EMILIN2: variants seen among roughly 807,000 people sequenced by gnomAD.
The protein encoded by EMILIN2 is EMILIN-2.
A neutral mutation model predicts 87.1 loss-of-function variants in EMILIN2; 71 were observed. The ratio of observed to expected loss-of-function variants is 0.82; its 90% CI spans 0.67 to 0.99. The LOEUF (loss-of-function observed/expected upper bound fraction) is 0.99. Ranked by LOEUF, EMILIN2 falls within the 50% of genes least tolerant of loss-of-function variation. The probability of loss-of-function intolerance (pLI) is 0.00; values close to 1 mark genes in which losing one functional copy is unlikely to be tolerated. For synonymous variants in EMILIN2, 581 were observed against 563.4 expected, an observed-to-expected ratio of 1.03 and a Z score of -0.44; for missense variants, 1,407 against 1,371.8, an observed-to-expected ratio of 1.03 and a Z score of -0.40.
At chr18:2,858,660 T>C (rs1186571327) in intron 2 of EMILIN2, among the ~76,000 whole-genome samples, 1 of 147,248 alleles carries the variant, frequency 6.8e-6, no homozygotes, top group East Asian at 2.0e-4. Flanking sequence ...TTTCTTCTGA[T>C]TCTCACTCTG....
chr18:2,869,930 A>G (rs980298047), intron 2 of EMILIN2, among the ~76,000 whole-genome samples: 2 of 152,140 alleles, frequency 1.3e-5, no homozygotes, highest in Non-Finnish European at 2.9e-5. Context: ...TGGGAAATAC[A>G]TTACAGATAT....
chr18:2,886,002 A>G (rs2076801854), intron 3 of EMILIN2, among the ~76,000 whole-genome samples: 1 of 152,276 alleles, frequency 6.6e-6, no homozygotes, highest in Admixed American at 6.5e-5. Context: ...AATGCACATC[A>G]ATTAAAGAAT....
intron 7 of EMILIN2, 112 bp from the exon 8 acceptor site, chr18:2,912,955 A>C (rs1598508963): frequency 2.2e-5 from 25 of 1,116,312 alleles, no homozygotes; most frequent in Non-Finnish European, 3.2e-5. Flanking sequence ...CCATGGGAAG[A>C]CAGAGATGGC....
At chr18:2,877,139 C>T (rs755636195) in intron 2 of EMILIN2, among the ~76,000 whole-genome samples, 8 of 152,238 alleles carry the variant, frequency 5.3e-5, no homozygotes, top group Non-Finnish European at 1.2e-4. Context: ...AAGGGATCTC[C>T]GGGGTCAGAG....
In EMILIN2 at chr18:2,909,714, T is replaced by C; in HGVS notation, c.2719T>C (p.Ser907Pro). The C allele has an allele frequency of 6.2e-7, 1 of 1,614,098 alleles. No individual in the cohort carries two copies. Among genetic ancestry groups the C allele is most frequent in the Non-Finnish European group, 8.5e-7 (1 of 1,179,964 alleles). Residue 907 changes from serine (S) to proline (P), a missense_variant, in exon 7 of 8, where the codon TCT (serine) becomes CCT (proline). Transcript: ENST00000254528. ...AGGAGCTCCGGTGCCTTCTCTGGTG[T>C]CTTTTTCTGCGGGGCTCACCCAGAA... ...SPGAPVPSLV[S>P]FSAGLTQKPF...
intron 7 of EMILIN2, 109 bp from the exon 8 acceptor site, chr18:2,912,956 CAG>C: frequency 8.8e-7 from 1 of 1,131,338 alleles, no homozygotes. Context: ...CATGGGAAGA[CAG>C]AGATGGCTGG....
chr18:2,887,366 A>G (rs2076808237), intron 3 of EMILIN2, among the ~76,000 whole-genome samples: 1 of 152,188 alleles, frequency 6.6e-6, no homozygotes, highest in Non-Finnish European at 1.5e-5. Context: ...TGTCCCCTCC[A>G]AATCTCATGT....
Position 2,859,588 on chromosome 18 carries a change from T to C in EMILIN2, c.257+11657T>C, listed in dbSNP as rs149205206. 3.4e-3 allele frequency among the ~76,000 whole-genome samples: 513 copies of C among 152,320 alleles called. 4 individuals carry two copies. The highest frequency in any genetic ancestry group is 0.012 in the African/African-American group (491 of 41,580). On this transcript the variant is annotated intron_variant, in intron 2 of 7. Transcript: ENST00000254528. ...CTTTAGTTTAATTAAGTCCCACCTA[T>C]TTATCTTTGTTTTTGTTGCATGTGC...
At chr18:2,893,303 T>C (rs956209469) in intron 4 of EMILIN2, among the ~76,000 whole-genome samples, 1 of 152,168 alleles carries the variant, frequency 6.6e-6, no homozygotes, top group Non-Finnish European at 1.5e-5. Context: ...TCTTCAAGCA[T>C]CACTTTTTAT....
Position 2,890,576 on chromosome 18 carries a change from A to G in EMILIN2, c.449A>G (p.Gln150Arg). 6.4e-7 allele frequency: 1 copy of G among 1,574,226 alleles called. No individual in the cohort carries two copies. The highest frequency in any genetic ancestry group is 8.6e-7 in the Non-Finnish European group (1 of 1,156,354). Residue 150 changes from glutamine to arginine, a missense_variant, in exon 4 of 8, where the codon CAA becomes CGA. By Grantham distance (43) the Gln-to-Arg change is conservative. Coordinates refer to ENST00000254528, the MANE Select transcript of EMILIN2 (RefSeq NM_032048.3). The surrounding 1 kb of genome is among the most constrained non-coding windows in gnomAD (Gnocchi z 4.7). ...LKKATDNEPS[Q>R]FSEPRKTLSP... ...TTTGTAACAGATAATGAACCCAGCC[A>G]ATTCTCAGAGCCCAGGAAGACTTTG...
chr18:2,881,889 G>T (rs2076778415), intron 2 of EMILIN2, among the ~76,000 whole-genome samples: 1 of 152,238 alleles, frequency 6.6e-6, no homozygotes, highest in Non-Finnish European at 1.5e-5. Flanking sequence ...GGGACCGAGG[G>T]CTGGTGTGTA....
rs754013212 is a variant in EMILIN2, at chr18:2,913,435, G to A, written c.*31G>A. The A allele has an allele frequency of 6.7e-7, 1 of 1,500,618 alleles. No homozygotes were observed. Among genetic ancestry groups the A allele is most frequent in the Non-Finnish European group, 9.0e-7 (1 of 1,111,222 alleles). 93.0% of individuals were successfully genotyped at this position (1,500,618 alleles called of 1,614,324 possible). On this transcript the variant is annotated 3_prime_UTR_variant, in exon 8 of 8. Transcript: ENST00000254528. ...CTGGGGAGATGTCAGGGGAAAGATA[G>A]ATAGTTGTAAAAACTCTAAAGCTTT...
At chr18:2,874,792 A>G (rs2076739183) in intron 2 of EMILIN2, among the ~76,000 whole-genome samples, 3 of 152,198 alleles carry the variant, frequency 2.0e-5, no homozygotes, top group Admixed American at 1.3e-4. Context: ...ACGAGAAGAA[A>G]TTTTCCGAAA....
At chr18:2,861,685 C>G (rs975767977) in intron 2 of EMILIN2, among the ~76,000 whole-genome samples, 2 of 152,134 alleles carry the variant, frequency 1.3e-5, no homozygotes, top group African/African-American at 4.8e-5. Flanking sequence ...CAGCTTTGTT[C>G]TTTTGGCTTA....
intron 4 of EMILIN2, chr18:2,906,103 G>A (rs1207044048): frequency 6.6e-6 from 1 of 152,236 alleles, no homozygotes; most frequent in Non-Finnish European, 1.5e-5. Flanking sequence ...AGCCAGGCCC[G>A]GGTATTGTCA....
At chr18:2,872,724 G>A (rs923573272) in intron 2 of EMILIN2, among the ~76,000 whole-genome samples, 12 of 152,272 alleles carry the variant, frequency 7.9e-5, no homozygotes, top group Admixed American at 3.9e-4. Context: ...TTCAAATTGC[G>A]AGGGTTCATG....
chr18:2,850,685 T>A (rs890247120), intron 2 of EMILIN2, among the ~76,000 whole-genome samples: 2 of 152,074 alleles, frequency 1.3e-5, no homozygotes, highest in African/African-American at 4.8e-5. Flanking sequence ...GTGAGCAGTG[T>A]TGGAAGTACA....
In EMILIN2 at chr18:2,891,739, G is replaced by T. The variant is rs1416849666; in HGVS notation, c.1612G>T (p.Glu538Ter). The T allele has an allele frequency of 6.2e-7, 1 of 1,614,182 alleles. No homozygotes were observed. The highest frequency in any genetic ancestry group is 2.2e-5 in the East Asian group (1 of 44,874). The change falls in exon 4 of 8, where the codon GAA becomes TAA. Residue 538 changes from glutamate (E) to a stop codon, truncating the protein, a stop_gained. Transcript: ENST00000254528. LOFTEE classifies it high-confidence loss of function. The surrounding 1 kb of genome is among the most constrained non-coding windows in gnomAD (Gnocchi z 4.6). Reference sequence around the variant, plus strand: ...GTCAGGAGATGAACGGGTCATGATGGAATTAAACCACCTGAAGGACAAAGT... The same window carrying T: ...GTCAGGAGATGAACGGGTCATGATGTAATTAAACCACCTGAAGGACAAAGT... ...SGSGDERVMM[E>*]LNHLKDKVQV...
intron 5 of EMILIN2, 24 bp from the exon 6 acceptor site, chr18:2,908,919 T>G: frequency 6.2e-7 from 1 of 1,613,818 alleles, no homozygotes; most frequent in Non-Finnish European, 8.5e-7. Flanking sequence ...TTGTTTGACA[T>G]GCCATTTCCT....
Sources: gnomAD v4.1 joint callset for allele counts (sites outside exome capture counted in the v4.1 genomes callset) on GRCh38, gnomAD v4.1.1 for gene constraint, Gnocchi (gnomAD v3.1) non-coding constraint, MANE v1.5 for transcripts, NCBI Gene and HGNC (gene_info 2026-07-23, HGNC 2026-07-21) for gene names.